Variants in PLCB1 observed in about 807,000 individuals in gnomAD.
PLCB1 encodes the protein phospholipase C beta 1.
A neutral mutation model predicts 161.8 loss-of-function variants in PLCB1; 46 were observed. The observed-to-expected ratio is 0.28, with a 90% CI of 0.22 to 0.36. The LOEUF (loss-of-function observed/expected upper bound fraction) is 0.36, where lower values mean the gene tolerates loss of function less well. Ranked by LOEUF, PLCB1 falls within the 10% of genes least tolerant of loss-of-function variation. The pLI is 1.00. For missense variants in PLCB1, 1,016 were observed against 1,472.5 expected, an observed-to-expected ratio of 0.69 and a Z score of 5.07; for synonymous variants, 517 against 503.7, an observed-to-expected ratio of 1.03 and a Z score of -0.35.
chr20:8,847,151 T>G (rs1410340466), intron 31 of PLCB1, among the ~76,000 whole-genome samples: 1 of 152,176 alleles, frequency 6.6e-6, no homozygotes, highest in African/African-American at 2.4e-5. Context: ...TTAAATCAAT[T>G]TAGTGACACT....
intron 3 of PLCB1, among the ~76,000 whole-genome samples, chr20:8,434,234 G>A (rs192125371): frequency 2.0e-4 from 31 of 152,090 alleles, no homozygotes; most frequent in East Asian, 1.4e-3. Flanking sequence ...TTGAAAATAC[G>A]GTCTCTGTTC....
intron 3 of PLCB1, among the ~76,000 whole-genome samples, chr20:8,526,064 TA>T (rs1160005985): frequency 6.6e-6 from 1 of 152,162 alleles, no homozygotes; most frequent in African/African-American, 2.4e-5. Flanking sequence ...TGAAACACAC[TA>T]AATATCCTAT....
At chr20:8,270,427 C>T (rs768312290) in intron 2 of PLCB1, among the ~76,000 whole-genome samples, 1 of 152,072 alleles carries the variant, frequency 6.6e-6, no homozygotes, top group Non-Finnish European at 1.5e-5. Context: ...AAGGTTGATG[C>T]TGATTGTTAT....
At chr20:8,544,538 T>C (rs1285504354) in intron 3 of PLCB1, among the ~76,000 whole-genome samples, 1 of 152,200 alleles carries the variant, frequency 6.6e-6, no homozygotes, top group Non-Finnish European at 1.5e-5. Flanking sequence ...CATTGCTATG[T>C]GGGGGTCAAG....
chr20:8,714,099 G>T (rs1979168493), intron 12 of PLCB1, among the ~76,000 whole-genome samples: 1 of 152,090 alleles, frequency 6.6e-6, no homozygotes, highest in Non-Finnish European at 1.5e-5. Flanking sequence ...GGCACATGCT[G>T]ACTTACCTTA....
chr20:8,656,595 A>G (rs1228411214), intron 7 of PLCB1, among the ~76,000 whole-genome samples: 1 of 152,026 alleles, frequency 6.6e-6, no homozygotes, highest in Non-Finnish European at 1.5e-5. Flanking sequence ...CAATAGGACC[A>G]GGAGCAGTCA....
chr20:8,506,450 G>T (rs17363114), intron 3 of PLCB1, among the ~76,000 whole-genome samples: 2 of 151,858 alleles, frequency 1.3e-5, no homozygotes, highest in African/African-American at 4.8e-5. Context: ...ACCATTTAAC[G>T]TGCTAAACAG....
At chr20:8,329,654 T>C (rs1298402817) in intron 2 of PLCB1, among the ~76,000 whole-genome samples, 1 of 152,234 alleles carries the variant, frequency 6.6e-6, no homozygotes, top group Admixed American at 6.5e-5. Flanking sequence ...GATGGCATAA[T>C]GTCTTCCTCT....
At chr20:8,342,310 A>G (rs1178399878) in intron 2 of PLCB1, among the ~76,000 whole-genome samples, 2 of 152,238 alleles carry the variant, frequency 1.3e-5, no homozygotes, top group Non-Finnish European at 2.9e-5. Context: ...TAAACAAAAT[A>G]TACATTAGTT....
At position 8,579,701 on chromosome 20, in the gene PLCB1, G is replaced by A. The variant is rs562614840; in HGVS notation, c.247-48593G>A. On this transcript the variant is annotated intron_variant, in intron 3 of 31. Transcript: ENST00000338037. Reference sequence around the variant, plus strand: ...TTCCCACAAAATGCTGAGAAAGTTTGAACCATTCTGTCTTCATTTTTTTTT... The same window carrying A: ...TTCCCACAAAATGCTGAGAAAGTTTAAACCATTCTGTCTTCATTTTTTTTT... Among the ~76,000 whole-genome samples, 69 of 152,168 alleles carry A rather than the reference G, an allele frequency of 4.5e-4. 1 individual carries two copies. In the Middle Eastern group the frequency reaches 0.01, roughly 23 times the overall value.
At chr20:8,280,059 G>A (rs1208478916) in intron 2 of PLCB1, among the ~76,000 whole-genome samples, 6 of 152,154 alleles carry the variant, frequency 3.9e-5, no homozygotes, top group African/African-American at 1.4e-4. Context: ...ATTTAGGCAG[G>A]GCATGGTGGC....
At chr20:8,603,748 C>T (rs1301891608) in intron 3 of PLCB1, among the ~76,000 whole-genome samples, 1 of 152,222 alleles carries the variant, frequency 6.6e-6, no homozygotes, top group African/African-American at 2.4e-5. Context: ...TGTGTTTCAA[C>T]TTGACACTAA....
rs192286110 is a variant in PLCB1 at position 8,681,655 on chromosome 20, A to G, written c.863-3277A>G. 3.6e-3 allele frequency among the ~76,000 whole-genome samples: 553 copies of G among 152,272 alleles called. 1 individual carries two copies. Among genetic ancestry groups the G allele is most frequent in the Non-Finnish European group, 5.4e-3 (364 of 68,010 alleles). On this transcript the variant is annotated intron_variant, in intron 9 of 31. Coordinates refer to ENST00000338037, the MANE Select transcript of PLCB1 (RefSeq NM_015192.4). ...GTATGCACACTCATCCAGCAGTTAC[A>G]TTACTTTCCTTTCCTGGCCCCTGAA...
At chr20:8,763,330 T>TACA (rs1982142381) in intron 25 of PLCB1, among the ~76,000 whole-genome samples, 1 of 151,868 alleles carries the variant, frequency 6.6e-6, no homozygotes, top group African/African-American at 2.4e-5. Flanking sequence ...GCCTCCCGAG[T>TACA]GGCTGGGATT....
Position 8,132,815 on chromosome 20 carries a change from G to T in PLCB1, c.99+65G>T. ...GCACCGGGCAGGGCGGGCGTCGTGG[G>T]GGTGGGGCAAGGGGCGCGTTATGCA... On this transcript the variant is annotated intron_variant, in intron 1 of 31. Transcript: ENST00000338037. The surrounding 1 kb of genome is among the most constrained non-coding windows in gnomAD (Gnocchi z 5.2). 2 of 1,214,802 alleles carry T rather than the reference G, an allele frequency of 1.6e-6. No individual in the cohort carries two copies. Among genetic ancestry groups the T allele is most frequent in the South Asian group, 1.3e-5 (1 of 79,404 alleles). 75.3% of individuals were successfully genotyped at this position (1,214,802 alleles called of 1,614,324 possible). A position where few individuals can be genotyped will look rare whatever the true frequency, so the allele number is the denominator to read the frequency against.
chr20:8,584,952 G>T (rs1468605473), intron 3 of PLCB1, among the ~76,000 whole-genome samples: 1 of 152,162 alleles, frequency 6.6e-6, no homozygotes, highest in Non-Finnish European at 1.5e-5. Context: ...GCCTCCAAAA[G>T]TGCTGGGATC....
chr20:8,252,968 A>T lies in PLCB1; in HGVS notation c.177+102597A>T, dbSNP rs1037292228. ...AGTCCCTTTTTATGCCTGTTTTCTC[A>T]GTAGAAATTCTTAATAATGCCCATT... On this transcript the variant is annotated intron_variant, in intron 2 of 31. Transcript: ENST00000338037. Among the ~76,000 whole-genome samples the T allele has an allele frequency of 7.9e-5, 12 of 151,958 alleles. No individual in the cohort carries two copies. In the East Asian group the frequency reaches 1.6e-3, roughly 20 times the overall value.
chr20:8,269,240 C>T (rs568530629), intron 2 of PLCB1, among the ~76,000 whole-genome samples: 4 of 152,240 alleles, frequency 2.6e-5, no homozygotes, highest in Admixed American at 1.3e-4. Flanking sequence ...CCCCATCCCC[C>T]CAACCCCTGA....
intron 31 of PLCB1, among the ~76,000 whole-genome samples, chr20:8,825,622 T>C (rs1462748877): frequency 1.3e-5 from 2 of 152,210 alleles, no homozygotes; most frequent in African/African-American, 2.4e-5. Flanking sequence ...CCATAAAGCC[T>C]TGGCTGCTGC....
Sources: allele counts gnomAD v4.1 joint callset (sites outside exome capture counted in the v4.1 genomes callset), GRCh38; gene constraint gnomAD v4.1.1; non-coding constraint Gnocchi (gnomAD v3.1); transcripts MANE v1.5; gene names NCBI Gene and HGNC (gene_info 2026-07-23, HGNC 2026-07-21).